The following ZIC4 variants were observed in gnomAD, a reference collection of about 807,000 sequenced individuals.
ZIC4 encodes Zic family zinc finger 4.
Under a neutral mutation model 28.8 loss-of-function variants are expected in ZIC4, and 15 were observed. The ratio of observed to expected loss-of-function variants is 0.52; its 90% CI spans 0.35 to 0.80. The LOEUF (loss-of-function observed/expected upper bound fraction) is 0.80, where lower values mean the gene tolerates loss of function less well. Ranked by LOEUF, ZIC4 falls within the 30% of genes least tolerant of loss-of-function variation. ZIC4 has a pLI of 0.01. For missense variants in ZIC4, 512 were observed against 467.1 expected, an observed-to-expected ratio of 1.10 and a Z score of -0.89; for synonymous variants, 220 against 198.1, an observed-to-expected ratio of 1.11 and a Z score of -0.93.
chr3:147,402,491 G>T (rs1253551081), intron 2 of ZIC4, among the ~76,000 whole-genome samples: 1 of 152,186 alleles, frequency 6.6e-6, no homozygotes, highest in African/African-American at 2.4e-5. Context: ...ACGTCCAGAT[G>T]AGTAGGCATT....
intron 1 of ZIC4, chr3:147,405,264 T>C (rs1329787817): frequency 9.3e-7 from 1 of 1,076,648 alleles, no homozygotes; most frequent in Admixed American, 2.8e-5. Flanking sequence ...TCCCTTTGAA[T>C]CACCCCTCCC....
In ZIC4 at chr3:147,388,078, A is replaced by C. The variant is rs1298190659; in HGVS notation, c.*781T>G. The C allele has an allele frequency of 6.6e-6, 1 of 152,622 alleles. No homozygotes were observed. Among genetic ancestry groups the C allele is most frequent in the Non-Finnish European group, 1.5e-5 (1 of 68,076 alleles). 9.5% of individuals were successfully genotyped at this position (152,622 alleles called of 1,614,324 possible). A position where few individuals can be genotyped will look rare whatever the true frequency, so the allele number is the denominator to read the frequency against. On this transcript the variant is annotated 3_prime_UTR_variant, in exon 5 of 5. Transcript: ENST00000383075. The stretch of plus-strand genomic sequence containing the variant: ...CCCCTGCGCCAAAGCCTCCCACATC[A>C]GGGTGCAGAGTGAACCCCTAAACGT...
At position 147,392,407 on chromosome 3, in the gene ZIC4, C is replaced by T. The variant is rs2086946225; in HGVS notation, c.689-1161G>A. On this transcript the variant is annotated intron_variant, in intron 3 of 4. Coordinates refer to ENST00000383075, the MANE Select transcript of ZIC4 (RefSeq NM_032153.6). Reference sequence around the variant, plus strand: ...TGACAATATTGGCCGGACCGAGCCCCAATCGGGGAGCTCACGGCCAGCTGA... The same window carrying T: ...TGACAATATTGGCCGGACCGAGCCCTAATCGGGGAGCTCACGGCCAGCTGA... 3.0e-6 allele frequency: 3 copies of T among 985,376 alleles called. No individual in the cohort carries two copies. The Admixed American group carries it at 1.8e-4, about 61-fold the overall frequency. 61.0% of individuals were successfully genotyped at this position (985,376 alleles called of 1,614,324 possible). A position where few individuals can be genotyped will look rare whatever the true frequency, so the allele number is the denominator to read the frequency against.
intron 2 of ZIC4, among the ~76,000 whole-genome samples, chr3:147,399,184 A>T (rs1377444694): frequency 1.3e-5 from 2 of 151,838 alleles, no homozygotes; most frequent in Non-Finnish European, 2.9e-5. Flanking sequence ...TTGTGACTAG[A>T]CTCTCAGGAT....
chr3:147,391,133 C>A lies in ZIC4; in HGVS notation c.802G>T (p.Val268Leu), dbSNP rs769358963. The A allele has an allele frequency of 6.2e-7, 1 of 1,614,064 alleles. No homozygotes were observed. The highest frequency in any genetic ancestry group is 8.5e-7 in the Non-Finnish European group (1 of 1,179,920). The change falls in exon 4 of 5, where the codon GTG (valine) becomes TTG (leucine). Residue 268 changes from valine to leucine, a missense_variant. By Grantham distance (32) the Val-to-Leu change is conservative. Around this residue, in one of 3 missense-constraint regions of ZIC4, gnomAD observed 144 missense variants for 116.8 expected, o/e 1.23. Coordinates refer to ENST00000383075, the MANE Select transcript of ZIC4 (RefSeq NM_032153.6). ...HTSDKPYTCK[V>L]RGCDKCYTHP... ...GTGTAGCACTTGTCGCAGCCCCGCACCTTGCACGTGTATGGCTTGTCGCTA... is the reference window on the plus strand; with the variant it reads ...GTGTAGCACTTGTCGCAGCCCCGCAACTTGCACGTGTATGGCTTGTCGCTA...
chr3:147,396,650 C>A lies in ZIC4; in HGVS notation c.71-181G>T. ...ACAGAGCAAGGCCAAACACCTCCGC[C>A]GCCATTGGGCCGAATTGCTGTTGGG... On this transcript the variant is annotated intron_variant, in intron 2 of 4. Transcript: ENST00000383075. This position sits in a 1 kb window ranked among gnomAD's most constrained non-coding sequence, Gnocchi z 4.2. 1.5e-6 allele frequency: 1 copy of A among 688,142 alleles called. No individual in the cohort carries two copies. Among genetic ancestry groups the A allele is most frequent in the South Asian group, 3.7e-5 (1 of 27,318 alleles). The allele number at this position is 688,142 out of a possible 1,614,324, so 42.6% of individuals were successfully genotyped here. A position where few individuals can be genotyped will look rare whatever the true frequency, so the allele number is the denominator to read the frequency against.
At chr3:147,400,132 C>T (rs1041833027) in intron 2 of ZIC4, among the ~76,000 whole-genome samples, 8 of 152,158 alleles carry the variant, frequency 5.3e-5, no homozygotes, top group Non-Finnish European at 1.2e-4. Context: ...TGCACATATT[C>T]ATCATAGAAG....
intron 2 of ZIC4, among the ~76,000 whole-genome samples, chr3:147,398,878 T>C (rs2087107239): frequency 6.6e-6 from 1 of 152,060 alleles, no homozygotes; most frequent in Non-Finnish European, 1.5e-5. Flanking sequence ...AAATAAGGCC[T>C]TAAAAAATTT....
chr3:147,387,039 C>G lies in ZIC4; in HGVS notation c.*1820G>C, dbSNP rs2086808813. 6.6e-6 allele frequency: 1 copy of G among 152,190 alleles called. No individual in the cohort carries two copies. The highest frequency in any genetic ancestry group is 2.1e-4 in the South Asian group (1 of 4,836). 9.4% of individuals were successfully genotyped at this position (152,190 alleles called of 1,614,324 possible). ...AAGGAAACCCATCTATGTGACCCAA[C>G]TTGGGCTGATTGAATGCAAACCAGA... On this transcript the variant is annotated 3_prime_UTR_variant, in exon 5 of 5. Transcript: ENST00000383075.
rs146954669 is a variant in ZIC4 at position 147,404,654 on chromosome 3, G to A, written c.-16+1709C>T. On this transcript the variant is annotated intron_variant, in intron 1 of 4. Transcript: ENST00000383075. Reference sequence around the variant, plus strand: ...CCATAGCACATCCTGGAGACTTTTTGGAATCTGCCCTCCTGGCCCCACCTT... The same window carrying A: ...CCATAGCACATCCTGGAGACTTTTTAGAATCTGCCCTCCTGGCCCCACCTT... Among the ~76,000 whole-genome samples, 276 of 152,272 alleles carry A rather than the reference G, an allele frequency of 1.8e-3. 1 individual carries two copies. The highest frequency in any genetic ancestry group is 6.3e-3 in the African/African-American group (261 of 41,556).
Position 147,388,538 on chromosome 3 carries a change from C to A in ZIC4, c.*321G>T, listed in dbSNP as rs900245109. 6 of 381,238 alleles carry A rather than the reference C, an allele frequency of 1.6e-5. No individual in the cohort carries two copies. Among genetic ancestry groups the A allele is most frequent in the African/African-American group, 1.0e-4 (5 of 48,134 alleles). The allele number at this position is 381,238 out of a possible 1,614,324, so 23.6% of individuals were successfully genotyped here. A position where few individuals can be genotyped will look rare whatever the true frequency, so the allele number is the denominator to read the frequency against. ...TTATGATCGGGTACAAGTGCCCATTCGCGTGGGTTTTGTTTACCGGAAATT... is the reference window on the plus strand; with the variant it reads ...TTATGATCGGGTACAAGTGCCCATTAGCGTGGGTTTTGTTTACCGGAAATT... On this transcript the variant is annotated 3_prime_UTR_variant, in exon 5 of 5. Coordinates refer to ENST00000383075, the MANE Select transcript of ZIC4 (RefSeq NM_032153.6).
chr3:147,402,275 T>G (rs2087180639), intron 2 of ZIC4, among the ~76,000 whole-genome samples: 4 of 152,216 alleles, frequency 2.6e-5, no homozygotes, highest in Admixed American at 2.6e-4. Context: ...GTATCCCTGG[T>G]AAAGATGATG....
intron 2 of ZIC4, among the ~76,000 whole-genome samples, chr3:147,398,119 G>A (rs1252795074): frequency 6.6e-6 from 1 of 152,184 alleles, no homozygotes; most frequent in African/African-American, 2.4e-5. Context: ...CAGGCCTGCT[G>A]GCCAAAGAAA....
At chr3:147,399,069 C>A (rs910116980) in intron 2 of ZIC4, among the ~76,000 whole-genome samples, 1 of 151,722 alleles carries the variant, frequency 6.6e-6, no homozygotes, top group African/African-American at 2.4e-5. Context: ...ATAACTCTAC[C>A]AATAGATACT....
In ZIC4 at chr3:147,395,911, C is replaced by T; in HGVS notation, c.629G>A (p.Gly210Glu). The stretch of plus-strand genomic sequence containing the variant: ...TGATCTAGCAAAGACCTTCCCACAC[C>T]CCGGGAAAGGACAAGGGAAGGGCTT... Reference protein sequence around the residue: ...GEKPFPCPFPGCGKVFARSEN... With the variant: ...GEKPFPCPFPECGKVFARSEN... Residue 210 changes from glycine to glutamate, a missense_variant, in exon 3 of 5, where the codon GGG becomes GAG. By Grantham distance (98) the Gly-to-Glu change is moderately conservative. Around this residue, in one of 3 missense-constraint regions of ZIC4, gnomAD observed 58 missense variants for 93.8 expected, o/e 0.62. Coordinates refer to ENST00000383075, the MANE Select transcript of ZIC4 (RefSeq NM_032153.6). 1 of 1,614,196 alleles carries T rather than the reference C, an allele frequency of 6.2e-7. No homozygotes were observed. Among genetic ancestry groups the T allele is most frequent in the Non-Finnish European group, 8.5e-7 (1 of 1,180,046 alleles).
rs558132736 is a variant in ZIC4, at chr3:147,398,388, C to T, written c.71-1919G>A. On this transcript the variant is annotated intron_variant, in intron 2 of 4. Transcript: ENST00000383075. ...TCCAGGCTCTGAGAGGGCCTGCAGG[C>T]CCGTGGCCGCCTCCGACAAGATGCC... Among the ~76,000 whole-genome samples the T allele has an allele frequency of 2.8e-3, 426 of 152,280 alleles. 3 individuals carry two copies. Among genetic ancestry groups the T allele is most frequent in the Non-Finnish European group, 5.1e-3 (347 of 68,020 alleles).
chr3:147,403,935 A>G, intron 1 of ZIC4: 1 of 1,528,486 alleles, frequency 6.5e-7, no homozygotes, highest in Non-Finnish European at 8.8e-7. Context: ...TTCTAGGTCC[A>G]GGCCTAGGAG....
At position 147,396,306 on chromosome 3, in the gene ZIC4, G is replaced by T. The variant is rs748665259; in HGVS notation, c.234C>A (p.Phe78Leu). The change falls in exon 3 of 5, where the codon TTC becomes TTA. Residue 78 changes from phenylalanine (F) to leucine (L), a missense_variant. Physicochemically the swap from Phe to Leu is conservative, Grantham distance 22. Coordinates refer to ENST00000383075, the MANE Select transcript of ZIC4 (RefSeq NM_032153.6). The surrounding 1 kb of genome is among the most constrained non-coding windows in gnomAD (Gnocchi z 4.2). ...PGDMYARPEPFPPGPAARSDA... is the reference protein window; with the variant it reads ...PGDMYARPEPLPPGPAARSDA... ...CGCTGCGGGCCGCAGGCCCTGGCGG[G>T]AAGGGCTCCGGCCGCGCGTACATGT... 6.2e-7 allele frequency: 1 copy of T among 1,602,572 alleles called. No homozygotes were observed. The highest frequency in any genetic ancestry group is 8.5e-7 in the Non-Finnish European group (1 of 1,174,698).
intron 3 of ZIC4, chr3:147,392,284 G>T: frequency 1.0e-6 from 1 of 985,806 alleles, no homozygotes; most frequent in Non-Finnish European, 1.2e-6. Flanking sequence ...TCCGCAGCCC[G>T]GAGGGCCACC....
Sources: gnomAD v4.1 joint callset for allele counts (sites outside exome capture counted in the v4.1 genomes callset) on GRCh38, gnomAD v4.1.1 for gene constraint, gnomAD v4.1.1 regional missense constraint, Gnocchi (gnomAD v3.1) non-coding constraint, MANE v1.5 for transcripts, NCBI Gene and HGNC (gene_info 2026-07-23, HGNC 2026-07-21) for gene names.